The following SYT14 variants were observed in gnomAD, a reference collection of about 807,000 sequenced individuals.
SYT14 encodes the protein synaptotagmin 14.
In SYT14, 32 loss-of-function variants were observed where a neutral mutation model predicts 74.2. The ratio of observed to expected loss-of-function variants is 0.43; its 90% confidence interval spans 0.33 to 0.58. The LOEUF (loss-of-function observed/expected upper bound fraction) is 0.58. Among genes scored for constraint, SYT14 ranks in the 20% least tolerant of loss-of-function variants. The pLI, the probability that SYT14 is intolerant of heterozygous loss-of-function variation, is 0.05. For missense variants in SYT14, 791 were observed against 981.8 expected (o/e 0.81, Z 2.60); for synonymous variants, 298 against 337.7 (o/e 0.88, Z 1.29).
At chr1:209,973,140 C>T (rs984037632) in intron 2 of SYT14, among the ~76,000 whole-genome samples, 4 of 150,022 alleles carry the variant, frequency 2.7e-5, no homozygotes, top group Non-Finnish European at 4.4e-5. Context: ...AAGTATGTTT[C>T]ATCTGATATA....
At chr1:209,953,761 T>A (rs938821675) in intron 2 of SYT14, among the ~76,000 whole-genome samples, 2 of 152,206 alleles carry the variant, frequency 1.3e-5, no homozygotes, top group African/African-American at 2.4e-5. Context: ...TTGCATACAA[T>A]TGCTGTTCAT....
intron 2 of SYT14, among the ~76,000 whole-genome samples, chr1:209,975,744 T>C (rs1289866462): frequency 6.6e-6 from 1 of 152,186 alleles, no homozygotes; most frequent in Non-Finnish European, 1.5e-5. Flanking sequence ...GGATTCCCTC[T>C]TTTTCTATTG....
intron 2 of SYT14, among the ~76,000 whole-genome samples, chr1:209,979,816 G>C (rs1265076737): frequency 3.9e-5 from 6 of 152,080 alleles, no homozygotes; most frequent in African/African-American, 7.2e-5. Flanking sequence ...GGTATTCCGT[G>C]GTGTATATGT....
chr1:209,972,599 G>A (rs2079275910), intron 2 of SYT14, among the ~76,000 whole-genome samples: 1 of 151,992 alleles, frequency 6.6e-6, no homozygotes. Flanking sequence ...TAGTTTTATT[G>A]TTTACCCCAA....
chr1:209,981,439 CT>C (rs1275160767), intron 2 of SYT14, among the ~76,000 whole-genome samples: 49 of 124,156 alleles, frequency 3.9e-4, no homozygotes, highest in African/African-American at 7.9e-4. Context: ...TTTTCTTTTT[CT>C]TTTTCTTTTC....
At chr1:210,114,045 C>T (rs935599814) in intron 7 of SYT14, among the ~76,000 whole-genome samples, 1 of 151,384 alleles carries the variant, frequency 6.6e-6, no homozygotes, top group Non-Finnish European at 1.5e-5. Context: ...GTCCAGGAGG[C>T]TTCTGAGGCA....
At chr1:210,161,235 G>A in exon 10 of SYT14, 1 of 695,484 alleles carries the variant, frequency 1.4e-6, no homozygotes, top group Non-Finnish European at 2.6e-6. Context: ...ATCTAGTAGA[G>A]CTTGTTTAGG....
intron 7 of SYT14, among the ~76,000 whole-genome samples, chr1:210,142,081 A>C (rs1267316214): frequency 6.6e-6 from 1 of 152,242 alleles, no homozygotes; most frequent in East Asian, 1.9e-4. Context: ...GTAAAATCAA[A>C]ACAAAGCCTG....
At chr1:210,107,795 C>A (rs2082186021) in intron 7 of SYT14, among the ~76,000 whole-genome samples, 1 of 151,430 alleles carries the variant, frequency 6.6e-6, no homozygotes, top group South Asian at 2.1e-4. Context: ...ATTCCTTTTT[C>A]TGTTAGTATA....
intron 5 of SYT14, among the ~76,000 whole-genome samples, chr1:210,061,356 T>A (rs1217502057): frequency 2.6e-5 from 4 of 152,020 alleles, no homozygotes; most frequent in Non-Finnish European, 5.9e-5. Flanking sequence ...TCAAAATATA[T>A]GCGTTTATTC....
At chr1:210,008,816 T>C (rs1001796901) in intron 2 of SYT14, among the ~76,000 whole-genome samples, 2 of 152,312 alleles carry the variant, frequency 1.3e-5, no homozygotes, top group African/African-American at 2.4e-5. Flanking sequence ...TCTAAGCAGA[T>C]TCATAGTATA....
chr1:210,051,601 G>A (rs1371119928), intron 5 of SYT14, among the ~76,000 whole-genome samples: 1 of 151,954 alleles, frequency 6.6e-6, no homozygotes, highest in Non-Finnish European at 1.5e-5. Context: ...AATTATGTGT[G>A]TCTTGTTATT....
At chr1:209,944,579 G>A (rs2078791420) in intron 1 of SYT14, among the ~76,000 whole-genome samples, 2 of 152,068 alleles carry the variant, frequency 1.3e-5, no homozygotes, top group Admixed American at 1.3e-4. Context: ...AGTGTAGGCT[G>A]CTATTTAGTA....
chr1:210,140,642 A>C (rs571097964), intron 7 of SYT14, among the ~76,000 whole-genome samples: 5 of 152,266 alleles, frequency 3.3e-5, no homozygotes, highest in Non-Finnish European at 5.9e-5. Flanking sequence ...TAGCTCTTAA[A>C]TTTAGGACTA....
chr1:210,069,144 C>A (rs1466349577), intron 5 of SYT14, among the ~76,000 whole-genome samples: 2 of 151,740 alleles, frequency 1.3e-5, no homozygotes, highest in African/African-American at 2.4e-5. Context: ...CTATGCAATT[C>A]AACTTTTCCT....
chr1:209,953,406 A>T, intron 2 of SYT14: 1 of 496,954 alleles, frequency 2.0e-6, no homozygotes, highest in Non-Finnish European at 3.2e-6. Flanking sequence ...TGGGGAGGTC[A>T]GGGGAAGAAA....
At position 210,100,521 on chromosome 1, in the gene SYT14, A is replaced by G. The variant is rs565945450; in HGVS notation, c.2034+60A>G. On this transcript the variant is annotated intron_variant, in intron 7 of 9. Coordinates refer to ENST00000637265, the Ensembl canonical transcript of SYT14. ...ATGTTCATGGTTTATAGTATGCACAATTTTAAAAATCTTTAATCAAGCCAA... is the reference window on the plus strand; with the variant it reads ...ATGTTCATGGTTTATAGTATGCACAGTTTTAAAAATCTTTAATCAAGCCAA... The G allele has an allele frequency of 3.9e-6, 6 of 1,534,994 alleles. No homozygotes were observed. The Admixed American group carries it at 5.1e-5, about 13-fold the overall frequency.
At chr1:210,142,957 G>A (rs985773350) in intron 7 of SYT14, among the ~76,000 whole-genome samples, 4 of 152,266 alleles carry the variant, frequency 2.6e-5, no homozygotes, top group Admixed American at 6.5e-5. Flanking sequence ...GTTTTATAAC[G>A]GAGAAAAATG....
At chr1:210,053,513 T>C (rs1044613050) in intron 5 of SYT14, among the ~76,000 whole-genome samples, 5 of 152,188 alleles carry the variant, frequency 3.3e-5, no homozygotes, top group Admixed American at 6.5e-5. Flanking sequence ...GATAACCCTA[T>C]TAAGTCTATG....
Sources: allele counts gnomAD v4.1 joint callset (sites outside exome capture counted in the v4.1 genomes callset), GRCh38; gene constraint gnomAD v4.1.1; transcripts MANE v1.5; gene names NCBI Gene and HGNC (gene_info 2026-07-23, HGNC 2026-07-21).